The following DDAH1 variants were observed in gnomAD, a reference collection of about 807,000 sequenced individuals.
DDAH1 encodes the protein N(G),N(G)-dimethylarginine dimethylaminohydrolase 1.
DDAH1 carries 19 observed loss-of-function variants against 28.8 expected under a neutral mutation model. That is an observed-to-expected ratio of 0.66 (90% CI 0.46 to 0.97). DDAH1 has a LOEUF of 0.97. Among genes scored for constraint, DDAH1 ranks in the 50% least tolerant of loss-of-function variants. DDAH1 has a pLI of 0.00. For synonymous variants in DDAH1, 153 were observed against 154.4 expected (o/e 0.99, Z 0.07); for missense variants, 326 against 375.9 (o/e 0.87, Z 1.10).
At chr1:85,323,424 G>C (rs1661434348) in intron 5 of DDAH1, among the ~76,000 whole-genome samples, 1 of 152,164 alleles carries the variant, frequency 6.6e-6, no homozygotes, top group Non-Finnish European at 1.5e-5. Flanking sequence ...ATATAGATGA[G>C]ACTGGCAGAG....
intron 2 of DDAH1, among the ~76,000 whole-genome samples, chr1:85,351,946 G>A (rs1222378413): frequency 6.6e-6 from 1 of 152,082 alleles, no homozygotes; most frequent in Non-Finnish European, 1.5e-5. Flanking sequence ...CTTAAAAATG[G>A]TTAAAATGGT....
chr1:85,343,999 A>ATGTT (rs1386210170), intron 4 of DDAH1, among the ~76,000 whole-genome samples: 2 of 152,354 alleles, frequency 1.3e-5, no homozygotes, highest in Admixed American at 6.5e-5. Context: ...CATTCAAGGA[A>ATGTT]TGTTAGAAAT....
intron 1 of DDAH1, among the ~76,000 whole-genome samples, chr1:85,528,674 C>T (rs1281711723): frequency 6.6e-6 from 1 of 151,892 alleles, no homozygotes; most frequent in African/African-American, 2.4e-5. Context: ...CTTCCTATAC[C>T]CCATCCAATT....
intron 1 of DDAH1, among the ~76,000 whole-genome samples, chr1:85,462,600 A>ATTCAT (rs35862161): frequency 0.054 from 8,206 of 152,218 alleles, 345 homozygotes; most frequent in South Asian, 0.17. Flanking sequence ...CATTTCATTC[A>ATTCAT]TCATTCATTC....
At chr1:85,327,676 G>A (rs559895469) in intron 4 of DDAH1, among the ~76,000 whole-genome samples, 1 of 152,190 alleles carries the variant, frequency 6.6e-6, no homozygotes, top group South Asian at 2.1e-4. Context: ...TGTGACTTTG[G>A]GAAAGTCACA....
At chr1:85,467,917 A>G (rs551950235), upstream of DDAH1, among the ~76,000 whole-genome samples, 54 of 152,358 alleles carry the variant, frequency 3.5e-4, no homozygotes, top group Middle Eastern at 3.4e-3. Flanking sequence ...GTAAGTGCAC[A>G]TGAGAGGTAT....
chr1:85,371,178 T>C (rs938751524), intron 1 of DDAH1, among the ~76,000 whole-genome samples: 2 of 152,162 alleles, frequency 1.3e-5, no homozygotes, highest in African/African-American at 4.8e-5. Context: ...TTCATTATGA[T>C]TGCACCAATG....
chr1:85,472,386 C>A (rs946863577), intron 2 of DDAH1, among the ~76,000 whole-genome samples: 2 of 152,204 alleles, frequency 1.3e-5, no homozygotes, highest in Admixed American at 6.5e-5. Context: ...AGATCAATTT[C>A]TCCTGTGTCT....
intron 2 of DDAH1, among the ~76,000 whole-genome samples, chr1:85,470,681 C>T (rs1655585727): frequency 6.6e-6 from 1 of 152,120 alleles, no homozygotes; most frequent in Non-Finnish European, 1.5e-5. Flanking sequence ...CTGCAGATTG[C>T]CTGTTATATC....
intron 2 of DDAH1, among the ~76,000 whole-genome samples, chr1:85,474,708 G>A (rs1419274279): frequency 6.6e-6 from 1 of 152,176 alleles, no homozygotes; most frequent in Admixed American, 6.5e-5. Flanking sequence ...ATTCCGGTGT[G>A]TAGAGAATGG....
chr1:85,358,142 G>T (rs1341278520), intron 2 of DDAH1, among the ~76,000 whole-genome samples: 1 of 152,100 alleles, frequency 6.6e-6, no homozygotes, highest in Non-Finnish European at 1.5e-5. Flanking sequence ...TGCTGTAGAA[G>T]AATAAAGTAG....
At chr1:85,566,599 C>T (rs187704867) in intron 1 of DDAH1, among the ~76,000 whole-genome samples, 41 of 151,392 alleles carry the variant, frequency 2.7e-4, no homozygotes, top group Non-Finnish European at 4.3e-4. Flanking sequence ...TATAAAGACA[C>T]AAGTAGGTTA....
At chr1:85,372,863 C>T (rs1485110143) in intron 1 of DDAH1, among the ~76,000 whole-genome samples, 3 of 152,120 alleles carry the variant, frequency 2.0e-5, no homozygotes, top group African/African-American at 7.2e-5. Context: ...GATCCATTGT[C>T]TCTCAAGCAG....
At chr1:85,332,392 T>C (rs2389913) in intron 4 of DDAH1, among the ~76,000 whole-genome samples, 138,892 of 152,234 alleles carry the variant, frequency 0.91, 63,384 homozygotes, top group South Asian at 0.95. Flanking sequence ...TGAAACCTGA[T>C]TTCCTGGGGC....
Position 85,381,228 on chromosome 1 carries a change from CA to C in DDAH1, c.304-22382del, listed in dbSNP as rs35851797. On this transcript the variant is annotated intron_variant, in intron 1 of 5. Transcript: ENST00000284031. ...TGTGTGACAAGAGCAAAACTCCATC[CA>C]AAAAAAAAAAAAAAGATATATTCTT... Among the ~76,000 whole-genome samples the C allele has an allele frequency of 2.0e-3, 251 of 127,334 alleles. 1 individual carries two copies. Among genetic ancestry groups the C allele is most frequent in the East Asian group, 5.3e-3 (23 of 4,312 alleles). The allele number at this position is 127,334 out of a possible 152,430, so 83.5% of individuals were successfully genotyped here. A position where few individuals can be genotyped will look rare whatever the true frequency, so the allele number is the denominator to read the frequency against.
rs200600654 is a variant in DDAH1, at chr1:85,350,380, C to T, written c.597+35G>A. 1.2e-4 allele frequency: 189 copies of T among 1,602,720 alleles called. 1 individual carries two copies. The African/African-American group carries it at 2.4e-3, about 21-fold the overall frequency. ...TGAAAAACCCTGTGGCAGGCACCCCCACTACATTTAGAAGGAGCACAGTTT... is the reference window on the plus strand; with the variant it reads ...TGAAAAACCCTGTGGCAGGCACCCCTACTACATTTAGAAGGAGCACAGTTT... On this transcript the variant is annotated intron_variant, in intron 4 of 5. Coordinates refer to ENST00000284031, the MANE Select transcript of DDAH1 (RefSeq NM_012137.4).
At chr1:85,441,608 C>G (rs1263425545) in intron 1 of DDAH1, among the ~76,000 whole-genome samples, 1 of 151,978 alleles carries the variant, frequency 6.6e-6, no homozygotes, top group Non-Finnish European at 1.5e-5. Flanking sequence ...AAATTTGTTA[C>G]CCCTCTCAGA....
chr1:85,479,159 CTTTTTTTTTTTTT>C (rs35629726), intron 2 of DDAH1, among the ~76,000 whole-genome samples: 2 of 78,618 alleles, frequency 2.5e-5, no homozygotes, highest in African/African-American at 4.6e-5. Context: ...TTCTGTTTTT[CTTTTTTTTTTTTT>C]TTTTTTTTTT....
intron 1 of DDAH1, chr1:85,399,210 T>G (rs1348154795): frequency 6.6e-6 from 1 of 152,078 alleles, no homozygotes; most frequent in Non-Finnish European, 1.5e-5. Context: ...CTTTTGATAG[T>G]CATAATAGTA....
Sources: allele counts gnomAD v4.1 joint callset (sites outside exome capture counted in the v4.1 genomes callset), GRCh38; gene constraint gnomAD v4.1.1; transcripts MANE v1.5; gene names NCBI Gene and HGNC (gene_info 2026-07-23, HGNC 2026-07-21).